Variants in RERE observed in about 807,000 individuals in gnomAD.
RERE encodes the protein arginine-glutamic acid dipeptide repeats protein.
RERE carries 40 observed loss-of-function variants against 146.1 expected under a neutral mutation model. The observed-to-expected ratio is 0.27, with a 90% CI of 0.21 to 0.36. The LOEUF is 0.36. Ranked by LOEUF, RERE falls within the 10% of genes least tolerant of loss-of-function variation. The probability of loss-of-function intolerance (pLI) is 1.00; values close to 1 mark genes in which losing one functional copy is unlikely to be tolerated. For missense variants in RERE, 1,933 were observed against 2,138.7 expected (o/e 0.90, Z 1.90); for synonymous variants, 1,003 against 866.0 (o/e 1.16, Z -2.78).
At chr1:8,709,092 G>GT (rs1336421193) in intron 1 of RERE, among the ~76,000 whole-genome samples, 1 of 150,978 alleles carries the variant, frequency 6.6e-6, no homozygotes, top group African/African-American at 2.4e-5. Context: ...TATTTTTTTT[G>GT]TATTTTTTTA....
At chr1:8,620,703 C>T (rs1260852635) in intron 3 of RERE, among the ~76,000 whole-genome samples, 3 of 151,916 alleles carry the variant, frequency 2.0e-5, no homozygotes, top group Admixed American at 6.6e-5. Flanking sequence ...ATCTACAGTG[C>T]GAAGCGACCT....
chr1:8,455,667 T>C (rs886225541), intron 11 of RERE, among the ~76,000 whole-genome samples: 1 of 152,146 alleles, frequency 6.6e-6, no homozygotes, highest in Non-Finnish European at 1.5e-5. Flanking sequence ...TGAAGCAATG[T>C]GAGGTTTCTC....
chr1:8,362,449 G>A (rs767080365), intron 16 of RERE, among the ~76,000 whole-genome samples: 3 of 152,202 alleles, frequency 2.0e-5, no homozygotes, highest in Non-Finnish European at 2.9e-5. Flanking sequence ...CACTTTCTGA[G>A]AACTTGGGAA....
chr1:8,661,691 G>A (rs1638460837), intron 1 of RERE, among the ~76,000 whole-genome samples: 1 of 152,196 alleles, frequency 6.6e-6, no homozygotes, highest in South Asian at 2.1e-4. Flanking sequence ...AAAGAAAAAG[G>A]ACATCTGGCC....
rs374598196 is a variant in RERE, at chr1:8,486,524, T to C, written c.1104+8539A>G. On this transcript the variant is annotated intron_variant, in intron 10 of 22. Coordinates refer to ENST00000400908, the MANE Select transcript of RERE (RefSeq NM_001042681.2). Reference sequence around the variant, plus strand: ...ATAATAGATCACAACAAATCAAAATTTGTGGTAAAATCAGCTATTTAACAT... The same window carrying C: ...ATAATAGATCACAACAAATCAAAATCTGTGGTAAAATCAGCTATTTAACAT... 1.3e-3 allele frequency among the ~76,000 whole-genome samples: 200 copies of C among 152,072 alleles called. 1 individual carries two copies. The highest frequency in any genetic ancestry group is 4.6e-3 in the African/African-American group (191 of 41,510).
chr1:8,813,121 A>T (rs1289847105), intron 1 of RERE, among the ~76,000 whole-genome samples: 1 of 152,222 alleles, frequency 6.6e-6, no homozygotes, highest in Non-Finnish European at 1.5e-5. Flanking sequence ...ATCATTCAAG[A>T]GGAATTCCTG....
chr1:8,665,670 A>T (rs781039533), intron 1 of RERE, among the ~76,000 whole-genome samples: 10 of 152,226 alleles, frequency 6.6e-5, no homozygotes, highest in Admixed American at 1.3e-4. Context: ...AGTACAAAGT[A>T]AATTTAAGTA....
At chr1:8,611,930 C>T (rs1646798404) in intron 4 of RERE, among the ~76,000 whole-genome samples, 1 of 152,156 alleles carries the variant, frequency 6.6e-6, no homozygotes. Context: ...ACTCCCTCCC[C>T]ACCACTGAAC....
At chr1:8,598,664 G>C (rs1646584593) in intron 4 of RERE, among the ~76,000 whole-genome samples, 1 of 152,170 alleles carries the variant, frequency 6.6e-6, no homozygotes, top group Non-Finnish European at 1.5e-5. Context: ...TCTGTCCTTT[G>C]TTAATCAGTC....
chr1:8,582,539 T>C (rs1646379902), intron 4 of RERE, among the ~76,000 whole-genome samples: 1 of 152,136 alleles, frequency 6.6e-6, no homozygotes, highest in Non-Finnish European at 1.5e-5. Context: ...TTGGCTATTA[T>C]ATTTTAAGGG....
intron 10 of RERE, among the ~76,000 whole-genome samples, chr1:8,487,377 G>A (rs538474262): frequency 2.0e-4 from 30 of 152,120 alleles, no homozygotes; most frequent in African/African-American, 6.5e-4. Flanking sequence ...CCAGGAGTTC[G>A]AGACCAGGCT....
At chr1:8,430,595 A>G (rs1644082905) in intron 11 of RERE, among the ~76,000 whole-genome samples, 1 of 152,158 alleles carries the variant, frequency 6.6e-6, no homozygotes, top group African/African-American at 2.4e-5. Context: ...GGACATCACC[A>G]TCCCAACTTG....
At chr1:8,640,237 AAG>A (rs1186050483) in intron 2 of RERE, among the ~76,000 whole-genome samples, 1 of 152,180 alleles carries the variant, frequency 6.6e-6, no homozygotes, top group Non-Finnish European at 1.5e-5. Flanking sequence ...CCCTTTCTAA[AAG>A]AGAGGTATAA....
intron 1 of RERE, among the ~76,000 whole-genome samples, chr1:8,731,642 TAAG>T (rs1006631119): frequency 1.3e-5 from 2 of 151,182 alleles, no homozygotes; most frequent in Admixed American, 6.6e-5. Flanking sequence ...AGACTCTATT[TAAG>T]AAGGAGTTCT....
intron 1 of RERE, among the ~76,000 whole-genome samples, chr1:8,769,200 G>A (rs1640900834): frequency 6.6e-6 from 1 of 152,124 alleles, no homozygotes; most frequent in African/African-American, 2.4e-5. Context: ...AAAAGACTTT[G>A]TTTTGAGGGG....
At chr1:8,748,153 G>A (rs1307385884) in intron 1 of RERE, among the ~76,000 whole-genome samples, 1 of 152,144 alleles carries the variant, frequency 6.6e-6, no homozygotes, top group Non-Finnish European at 1.5e-5. Context: ...AATTCTGGGA[G>A]AGAAACACCC....
At chr1:8,461,485 G>A (rs574956414) in intron 11 of RERE, among the ~76,000 whole-genome samples, 1 of 152,234 alleles carries the variant, frequency 6.6e-6, no homozygotes, top group South Asian at 2.1e-4. Context: ...TGAAAGACAT[G>A]ACCCAGGTGT....
intron 8 of RERE, among the ~76,000 whole-genome samples, chr1:8,507,897 G>A (rs575380887): frequency 4.0e-5 from 6 of 151,108 alleles, no homozygotes; most frequent in African/African-American, 1.2e-4. Flanking sequence ...CTGCCACCAC[G>A]CCCGGCTAAT....
intron 9 of RERE, among the ~76,000 whole-genome samples, chr1:8,496,672 G>C (rs1023526617): frequency 2.0e-5 from 3 of 151,850 alleles, no homozygotes; most frequent in African/African-American, 7.3e-5. Context: ...CGACCGCTCT[G>C]TGGTGCCCGC....
Sources: allele counts gnomAD v4.1 joint callset (sites outside exome capture counted in the v4.1 genomes callset), GRCh38; gene constraint gnomAD v4.1.1; transcripts MANE v1.5; gene names NCBI Gene and HGNC (gene_info 2026-07-23, HGNC 2026-07-21).